The following KIF26B variants were observed in gnomAD, a reference collection of about 807,000 sequenced individuals.
KIF26B encodes kinesin family member 26B, also known as kinesin-like protein KIF26B.
Under a neutral mutation model 151.2 loss-of-function variants are expected in KIF26B, and 63 were observed. The observed-to-expected ratio is 0.42, with a 90% CI of 0.34 to 0.51. The LOEUF (loss-of-function observed/expected upper bound fraction) is 0.51. Among genes scored for constraint, KIF26B ranks in the 20% least tolerant of loss-of-function variants. The probability of loss-of-function intolerance (pLI) is 0.07; values close to 1 mark genes in which losing one functional copy is unlikely to be tolerated. For missense variants in KIF26B, 2,813 were observed against 2,913.6 expected (o/e 0.97, Z 0.79); for synonymous variants, 1,357 against 1,262.1 (o/e 1.08, Z -1.59).
intron 4 of KIF26B, among the ~76,000 whole-genome samples, chr1:245,534,579 G>A (rs955090392): frequency 1.1e-4 from 17 of 152,150 alleles, no homozygotes; most frequent in African/African-American, 3.9e-4. Context: ...AAAGATGTAT[G>A]CTGGGATAAA....
intron 4 of KIF26B, among the ~76,000 whole-genome samples, chr1:245,471,077 A>G (rs994134413): frequency 1.3e-5 from 2 of 151,876 alleles, no homozygotes; most frequent in East Asian, 1.9e-4. Context: ...TGTAAAAATG[A>G]TTACCAAAGT....
intron 5 of KIF26B, among the ~76,000 whole-genome samples, chr1:245,584,346 C>T (rs1460732367): frequency 6.9e-6 from 1 of 145,932 alleles, no homozygotes; most frequent in Non-Finnish European, 1.5e-5. Flanking sequence ...TTATAAATAC[C>T]CAGACTTGGG....
chr1:245,161,506 C>T (rs1668528923), intron 2 of KIF26B, among the ~76,000 whole-genome samples: 1 of 152,110 alleles, frequency 6.6e-6, no homozygotes, highest in Non-Finnish European at 1.5e-5. Context: ...CATCAGTTGC[C>T]ATTTGTTATT....
At chr1:245,246,013 AC>A (rs1670323161) in intron 2 of KIF26B, among the ~76,000 whole-genome samples, 1 of 151,088 alleles carries the variant, frequency 6.6e-6, no homozygotes, top group African/African-American at 2.4e-5. Context: ...AATCGCTTGA[AC>A]CTGGGAGGCG....
intron 6 of KIF26B, among the ~76,000 whole-genome samples, chr1:245,605,096 C>A (rs1420586406): frequency 1.3e-5 from 2 of 152,190 alleles, no homozygotes; most frequent in East Asian, 1.9e-4. Flanking sequence ...TCAGGCGAGT[C>A]ACTCAACCTC....
At chr1:245,303,347 C>G (rs538434625) in intron 2 of KIF26B, among the ~76,000 whole-genome samples, 2 of 151,050 alleles carry the variant, frequency 1.3e-5, no homozygotes, top group Non-Finnish European at 2.9e-5. Flanking sequence ...TACAGGTGCC[C>G]GCCACCACGC....
chr1:245,654,645 C>A (rs565674908), intron 10 of KIF26B, among the ~76,000 whole-genome samples: 2 of 152,306 alleles, frequency 1.3e-5, no homozygotes, highest in Admixed American at 1.3e-4. Flanking sequence ...GGCTCCAGGA[C>A]CCCCACGAAG....
chr1:245,680,756 T>C (rs976409745), intron 10 of KIF26B, among the ~76,000 whole-genome samples: 5 of 152,208 alleles, frequency 3.3e-5, no homozygotes, highest in Admixed American at 6.5e-5. Flanking sequence ...CCAAAATCAA[T>C]ACAGCGGTTT....
chr1:245,692,936 A>G (rs1010879691), intron 12 of KIF26B, among the ~76,000 whole-genome samples: 1 of 152,142 alleles, frequency 6.6e-6, no homozygotes, highest in Non-Finnish European at 1.5e-5. Flanking sequence ...TGGCCAGTGC[A>G]CATATCAGCA....
At position 245,688,097 on chromosome 1, in the gene KIF26B, G is replaced by A. The variant is rs770621562; in HGVS notation, c.5114G>A (p.Arg1705His). ...GCGGGCAAGGACGGCACCATGCCCC[G>A]CGCGGGGAGGAGCCTGGGCCGCAGC... ...LHAGKDGTMPRAGRSLGRSAG... is the reference protein window; with the variant it reads ...LHAGKDGTMPHAGRSLGRSAG... Residue 1705 changes from arginine to histidine, a missense_variant, in exon 12 of 15, where the codon CGC becomes CAC. Physicochemically the swap from Arg to His is conservative, Grantham distance 29. Transcript: ENST00000407071. The A allele has an allele frequency of 2.3e-5, 36 of 1,554,064 alleles. No individual in the cohort carries two copies. The highest frequency in any genetic ancestry group is 4.1e-5 in the African/African-American group (3 of 73,530).
At chr1:245,322,076 A>G (rs998041322) in intron 2 of KIF26B, among the ~76,000 whole-genome samples, 1 of 152,224 alleles carries the variant, frequency 6.6e-6, no homozygotes, top group Non-Finnish European at 1.5e-5. Context: ...TTGCAGGGAC[A>G]TGGATGAAGC....
chr1:245,332,001 C>T (rs1406894415), intron 2 of KIF26B, among the ~76,000 whole-genome samples: 1 of 152,138 alleles, frequency 6.6e-6, no homozygotes, highest in Admixed American at 6.5e-5. Context: ...TGGTGGGTGC[C>T]TGTAGTCTCA....
intron 2 of KIF26B, among the ~76,000 whole-genome samples, chr1:245,176,050 C>A (rs997661997): frequency 6.6e-6 from 1 of 151,560 alleles, no homozygotes; most frequent in South Asian, 2.1e-4. Context: ...TCTTGTTGCC[C>A]AGGCTGGGGA....
At chr1:245,692,717 TA>T (rs1439774139) in intron 12 of KIF26B, among the ~76,000 whole-genome samples, 3 of 152,210 alleles carry the variant, frequency 2.0e-5, no homozygotes, top group Non-Finnish European at 4.4e-5. Context: ...TCTAAAAGAA[TA>T]TCAGTATATT....
intron 12 of KIF26B, among the ~76,000 whole-genome samples, chr1:245,692,373 G>C (rs1048173958): frequency 5.9e-5 from 9 of 152,214 alleles, no homozygotes; most frequent in African/African-American, 1.4e-4. Flanking sequence ...CAAGTGGAGA[G>C]AGCATTTAGA....
chr1:245,653,640 T>C (rs1160846556), intron 10 of KIF26B, among the ~76,000 whole-genome samples: 1 of 152,106 alleles, frequency 6.6e-6, no homozygotes, highest in African/African-American at 2.4e-5. Flanking sequence ...GCCTCCCAGT[T>C]TATCACCCCC....
At chr1:245,408,720 C>G (rs1275542606) in intron 3 of KIF26B, among the ~76,000 whole-genome samples, 1 of 152,126 alleles carries the variant, frequency 6.6e-6, no homozygotes, top group Admixed American at 6.5e-5. Flanking sequence ...GAGGGTGGCT[C>G]TACTTGAGCC....
At chr1:245,638,528 C>A (rs2043857070) in intron 9 of KIF26B, among the ~76,000 whole-genome samples, 1 of 151,594 alleles carries the variant, frequency 6.6e-6, no homozygotes, top group Non-Finnish European at 1.5e-5. Context: ...TGAATAATTA[C>A]AGTTTATAGT....
intron 2 of KIF26B, among the ~76,000 whole-genome samples, chr1:245,231,225 A>G (rs1438780228): frequency 6.6e-6 from 1 of 152,218 alleles, no homozygotes; most frequent in Non-Finnish European, 1.5e-5. Flanking sequence ...ATTTAAAACT[A>G]CAATCTAGGC....
Sources: allele counts gnomAD v4.1 joint callset (sites outside exome capture counted in the v4.1 genomes callset), GRCh38; gene constraint gnomAD v4.1.1; transcripts MANE v1.5; gene names NCBI Gene and HGNC (gene_info 2026-07-23, HGNC 2026-07-21).